TG: variants seen among roughly 807,000 people sequenced by gnomAD.
TG encodes thyroid hormones.
A neutral mutation model predicts 324.7 loss-of-function variants in TG; 270 were observed. The observed-to-expected ratio is 0.83, with a 90% CI of 0.75 to 0.92. The LOEUF (loss-of-function observed/expected upper bound fraction) is 0.92. Among genes scored for constraint, TG ranks in the 40% least tolerant of loss-of-function variants. The pLI, the probability that TG is intolerant of heterozygous loss-of-function variation, is 0.00. For missense variants in TG, 3,591 were observed against 3,456.4 expected (o/e 1.04, Z -0.98); for synonymous variants, 1,401 against 1,327.0 (o/e 1.06, Z -1.21).
intron 29 of TG, among the ~76,000 whole-genome samples, chr8:132,965,709 C>T (rs1306763043): frequency 2.0e-5 from 3 of 152,206 alleles, no homozygotes; most frequent in Non-Finnish European, 4.4e-5. Context: ...AAAGCACAAG[C>T]TGCACTAGCT....
intron 26 of TG, 91 bp from the exon 27 acceptor site, chr8:132,948,685 C>G: frequency 7.2e-7 from 1 of 1,398,092 alleles, no homozygotes; most frequent in Non-Finnish European, 1.0e-6. Context: ...TGTCACCTAT[C>G]TTTATTTGCA....
At chr8:133,016,300 T>G (rs1044656298) in intron 37 of TG, among the ~76,000 whole-genome samples, 1 of 152,176 alleles carries the variant, frequency 6.6e-6, no homozygotes, top group Non-Finnish European at 1.5e-5. Flanking sequence ...TTGTTGTATA[T>G]GTGTGGGAGC....
intron 2 of TG, 29 bp downstream of exon 2, chr8:132,868,252 A>C: frequency 1.1e-5 from 18 of 1,596,098 alleles, no homozygotes; most frequent in Non-Finnish European, 1.5e-5. Flanking sequence ...GCGAACTCTC[A>C]AGGTCCAAGA....
At position 132,901,410 on chromosome 8, in the gene TG, G is replaced by A. The variant is rs760317901; in HGVS notation, c.3491G>A (p.Gly1164Asp). Reference sequence around the variant, plus strand: ...GTCCTCTCCAGGAGAGTCAGCCCAGGCTATGTCCCAGCCTGCAGGGCAGAG... The same window carrying A: ...GTCCTCTCCAGGAGAGTCAGCCCAGACTATGTCCCAGCCTGCAGGGCAGAG... ...SGVLSRRVSP[G>D]YVPACRAEDG... Residue 1164 changes from glycine to aspartate, a missense_variant, in exon 16 of 48, where the codon GGC (glycine) becomes GAC (aspartate). By Grantham distance (94) the Gly-to-Asp change is moderately conservative. Coordinates refer to ENST00000220616, the MANE Select transcript of TG (RefSeq NM_003235.5). 1.1e-5 allele frequency: 17 copies of A among 1,614,116 alleles called. No homozygotes were observed. The South Asian group carries it at 1.9e-4, about 18-fold the overall frequency.
At chr8:132,984,734 G>A (rs555239127) in intron 35 of TG, among the ~76,000 whole-genome samples, 4 of 152,204 alleles carry the variant, frequency 2.6e-5, no homozygotes, top group African/African-American at 9.6e-5. Context: ...ACGAGATCAG[G>A]AGTTCGAGAC....
At position 133,049,858 on chromosome 8, in the gene TG, A is replaced by G. The variant is rs772547786; in HGVS notation, c.7239+19835A>G. ...TTGTTCCACCTTATGAGTCACCAGC[A>G]TACGCATCATGCTTAATTGCTGCCA... On this transcript the variant is annotated intron_variant, in intron 41 of 47. Coordinates refer to ENST00000220616, the MANE Select transcript of TG (RefSeq NM_003235.5). 1.6e-5 allele frequency: 20 copies of G among 1,212,992 alleles called. No individual in the cohort carries two copies. The African/African-American group carries it at 2.4e-4, about 14-fold the overall frequency. The allele number at this position is 1,212,992 out of a possible 1,614,324, so 75.1% of individuals were successfully genotyped here.
At chr8:133,069,042 T>C (rs1050409596) in intron 41 of TG, among the ~76,000 whole-genome samples, 11 of 152,220 alleles carry the variant, frequency 7.2e-5, no homozygotes, top group African/African-American at 2.4e-4. Context: ...AGCCATTACA[T>C]AGAATGGGGA....
intron 35 of TG, among the ~76,000 whole-genome samples, chr8:132,989,431 G>A (rs1216138224): frequency 3.3e-5 from 5 of 152,338 alleles, no homozygotes; most frequent in Admixed American, 2.6e-4. Context: ...AGCAATGGGT[G>A]CAGCACAGGT....
chr8:132,930,218 A>C (rs555869913), intron 23 of TG, among the ~76,000 whole-genome samples: 18 of 152,354 alleles, frequency 1.2e-4, no homozygotes, highest in African/African-American at 4.3e-4. Flanking sequence ...ATATTTGTAG[A>C]ATGAGAGATA....
chr8:132,999,200 G>A (rs955840790), intron 35 of TG, among the ~76,000 whole-genome samples: 1 of 152,120 alleles, frequency 6.6e-6, no homozygotes, highest in African/African-American at 2.4e-5. Flanking sequence ...GCAGGAGTCT[G>A]GACCAGAGTG....
chr8:132,997,448 G>A (rs1248984557), intron 35 of TG, among the ~76,000 whole-genome samples: 2 of 152,154 alleles, frequency 1.3e-5, no homozygotes, highest in Non-Finnish European at 2.9e-5. Context: ...GTAGGGATAT[G>A]AGCACACCCA....
At chr8:132,985,234 G>A (rs1249383412) in intron 35 of TG, among the ~76,000 whole-genome samples, 3 of 152,322 alleles carry the variant, frequency 2.0e-5, no homozygotes, top group South Asian at 4.1e-4. Context: ...ACAAAGCTGT[G>A]TGTAGGCATT....
chr8:133,038,667 G>A, intron 41 of TG: 6 of 1,613,994 alleles, frequency 3.7e-6, no homozygotes, highest in Non-Finnish European at 5.1e-6. Flanking sequence ...ATGCTCTCTC[G>A]AAGGCCATAG....
At chr8:132,926,620 G>A (rs1821903673) in intron 22 of TG, among the ~76,000 whole-genome samples, 1 of 152,180 alleles carries the variant, frequency 6.6e-6, no homozygotes, top group South Asian at 2.1e-4. Flanking sequence ...TTCAGGGAAG[G>A]AGATTCTTCC....
At chr8:133,110,372 A>C (rs1428603584) in intron 43 of TG, among the ~76,000 whole-genome samples, 1 of 152,230 alleles carries the variant, frequency 6.6e-6, no homozygotes, top group Non-Finnish European at 1.5e-5. Context: ...GAGCTGAGCA[A>C]ACAGGCTGCA....
intron 35 of TG, 87 bp downstream of exon 35, chr8:132,983,499 G>T: frequency 1.5e-6 from 2 of 1,331,182 alleles, no homozygotes. Flanking sequence ...TTGTACAGAA[G>T]TTGATAGCTT....
chr8:133,001,793 G>T, intron 35 of TG: 1 of 985,450 alleles, frequency 1.0e-6, no homozygotes, highest in African/African-American at 1.7e-5. Flanking sequence ...GGTTTGCTGG[G>T]GGCCTGAAAG....
At chr8:132,901,940 G>A (rs1776121188) in intron 16 of TG, among the ~76,000 whole-genome samples, 2 of 152,084 alleles carry the variant, frequency 1.3e-5, no homozygotes. Context: ...GTGTTGACTT[G>A]TTTATTTTTA....
chr8:132,966,099 CA>C (rs1410581509), intron 29 of TG, among the ~76,000 whole-genome samples: 1 of 152,042 alleles, frequency 6.6e-6, no homozygotes, highest in East Asian at 1.9e-4. Flanking sequence ...CTTCAGAAGA[CA>C]AAAAGAGGAT....
Sources: gnomAD v4.1 joint callset for allele counts (sites outside exome capture counted in the v4.1 genomes callset) on GRCh38, gnomAD v4.1.1 for gene constraint, MANE v1.5 for transcripts, NCBI Gene and HGNC (gene_info 2026-07-23, HGNC 2026-07-21) for gene names.